The following ECPAS variants were observed in gnomAD, a reference collection of about 807,000 sequenced individuals.
The protein encoded by ECPAS is proteasome adapter and scaffold protein ECM29.
In ECPAS, 70 loss-of-function variants were observed where a neutral mutation model predicts 255.1. The ratio of observed to expected loss-of-function variants is 0.27; its 90% CI spans 0.23 to 0.33. The LOEUF (loss-of-function observed/expected upper bound fraction) is 0.33, where lower values mean the gene tolerates loss of function less well. ECPAS is among the 10% of genes least tolerant of loss of function. The pLI, the probability that ECPAS is intolerant of heterozygous loss-of-function variation, is 1.00. For missense variants in ECPAS, 1,817 were observed against 2,206.4 expected, an observed-to-expected ratio of 0.82 and a Z score of 3.54; for synonymous variants, 784 against 775.0, an observed-to-expected ratio of 1.01 and a Z score of -0.19.
intron 1 of ECPAS, among the ~76,000 whole-genome samples, chr9:111,474,175 A>G (rs2132095623): frequency 6.6e-6 from 1 of 152,294 alleles, no homozygotes; most frequent in East Asian, 1.9e-4. Flanking sequence ...GGGCTCAATA[A>G]TTCAACCCAT....
rs190864865 is a variant in ECPAS at position 111,432,796 on chromosome 9, G to A, written c.848+437C>T. On this transcript the variant is annotated intron_variant, in intron 8 of 49. Coordinates refer to ENST00000684092, the MANE Select transcript of ECPAS (RefSeq NM_001364929.1). ...GTCTATTTCCTATCTGTATCTCCTC[G>A]TGTGTGAATTAGAATCTATTCAGCA... Among the ~76,000 whole-genome samples the A allele has an allele frequency of 1.6e-3, 249 of 151,752 alleles. 1 individual carries two copies. The highest frequency in any genetic ancestry group is 5.8e-3 in the African/African-American group (241 of 41,332).
intron 9 of ECPAS, among the ~76,000 whole-genome samples, chr9:111,428,970 A>G (rs1028463651): frequency 6.6e-6 from 1 of 152,086 alleles, no homozygotes; most frequent in Non-Finnish European, 1.5e-5. Flanking sequence ...TGCTCATATC[A>G]CCTGTGTTCT....
At chr9:111,418,778 ACTCC>A (rs1385989845) in intron 16 of ECPAS, among the ~76,000 whole-genome samples, 2 of 152,062 alleles carry the variant, frequency 1.3e-5, no homozygotes, top group Admixed American at 1.3e-4. Context: ...TGGAAGTCCA[ACTCC>A]CTAGACTTAA....
chr9:111,447,935 G>A (rs989586465), intron 3 of ECPAS, among the ~76,000 whole-genome samples: 1 of 152,072 alleles, frequency 6.6e-6, no homozygotes, highest in African/African-American at 2.4e-5. Flanking sequence ...TAACGAGAAA[G>A]TGAGAGAAGG....
intron 2 of ECPAS, among the ~76,000 whole-genome samples, chr9:111,461,465 A>G (rs1296615466): frequency 6.6e-6 from 1 of 152,116 alleles, no homozygotes; most frequent in African/African-American, 2.4e-5. Context: ...ACCTTGTCTC[A>G]AAAAAATAAA....
chr9:111,444,553 T>TGA, intron 3 of ECPAS, 59 bp from the exon 4 acceptor site: 1 of 1,113,150 alleles, frequency 9.0e-7, no homozygotes, highest in Non-Finnish European at 1.3e-6. Flanking sequence ...ACCACTCATC[T>TGA]TAAAATTCAT....
At chr9:111,433,415 C>T (rs1405194775) in intron 7 of ECPAS, 43 bp from the exon 8 acceptor site, 1 of 1,607,346 alleles carries the variant, frequency 6.2e-7, no homozygotes, top group Non-Finnish European at 8.5e-7. Flanking sequence ...GTCAGGGGAG[C>T]AAAGGACACC....
In ECPAS at chr9:111,361,290, T is replaced by C. The variant is rs547654694; in HGVS notation, c.*740A>G. On this transcript the variant is annotated 3_prime_UTR_variant, in exon 50 of 50. Transcript: ENST00000684092. ...ACCTGTAAAAGGAAGACGATTGGAA[T>C]TATCCGAAGGAGACTGACTCTGTCC... 6.6e-6 allele frequency: 1 copy of C among 152,330 alleles called. No homozygotes were observed. The highest frequency in any genetic ancestry group is 1.5e-5 in the Non-Finnish European group (1 of 68,014). 9.4% of individuals were successfully genotyped at this position (152,330 alleles called of 1,614,324 possible). A position where few individuals can be genotyped will look rare whatever the true frequency, so the allele number is the denominator to read the frequency against.
At position 111,410,090 on chromosome 9, in the gene ECPAS, A is replaced by G. The variant is rs1432234779; in HGVS notation, c.2501T>C (p.Leu834Pro). The change falls in exon 23 of 50, where the codon CTT becomes CCT. Residue 834 changes from leucine (L) to proline (P), a missense_variant. Physicochemically the swap from Leu to Pro is moderately conservative, Grantham distance 98. This residue lies in a region of ECPAS where 194 missense variants were observed against 152.8 expected (regional missense o/e 1.27). Coordinates refer to ENST00000684092, the MANE Select transcript of ECPAS (RefSeq NM_001364929.1). ...TATTCTACTTAGTAAGCTTTCTACA[A>G]GATGCAATTTGGTAAAGCCAGATCC... ...SEGSGFTKLH[L>P]VESLLSRIPS... 8.8e-6 allele frequency: 14 copies of G among 1,593,812 alleles called. No homozygotes were observed. The highest frequency in any genetic ancestry group is 1.1e-5 in the Non-Finnish European group (13 of 1,169,600).
In ECPAS at chr9:111,385,356, C is replaced by T. The variant is rs375109313; in HGVS notation, c.3614G>A (p.Arg1205Lys). 5.1e-5 allele frequency: 78 copies of T among 1,539,796 alleles called. No homozygotes were observed. The highest frequency in any genetic ancestry group is 6.2e-5 in the Non-Finnish European group (70 of 1,126,722). The change falls in exon 33 of 50, where the codon AGA becomes AAA. Residue 1205 changes from arginine (R) to lysine (K), a missense_variant. By Grantham distance (26) the Arg-to-Lys change is conservative. Coordinates refer to ENST00000684092, the MANE Select transcript of ECPAS (RefSeq NM_001364929.1). ...KLPEIWETLF[R>K]VQDDIKESVR... ...TAATACCTTGATATCATCTTGTACTCTAAAAAGCGTTTCCCAAATTTCTGG... is the reference window on the plus strand; with the variant it reads ...TAATACCTTGATATCATCTTGTACTTTAAAAAGCGTTTCCCAAATTTCTGG...
Position 111,430,549 on chromosome 9 carries a change from CTT to C in ECPAS, c.926_927del (p.Lys309ArgfsTer30), listed in dbSNP as rs1564540462. The C allele has an allele frequency of 6.3e-7, 1 of 1,579,568 alleles. No individual in the cohort carries two copies. Among genetic ancestry groups the C allele is most frequent in the African/African-American group, 1.3e-5 (1 of 74,580 alleles). On this transcript the variant is annotated frameshift_variant, in exon 9 of 50. Coordinates refer to ENST00000684092, the MANE Select transcript of ECPAS (RefSeq NM_001364929.1). LOFTEE classifies it high-confidence loss of function. The part of the protein sequence containing the change: ...VYLGDIPLKT[K>X]EGAVLKPELK... Reference sequence around the variant, plus strand: ...GAGAATAAATCAAAACAACCTACCTCTTTTGTCTTCAGTGGTATATCTCCAAG... The same window carrying C: ...GAGAATAAATCAAAACAACCTACCTCTTGTCTTCAGTGGTATATCTCCAAG...
At position 111,368,617 on chromosome 9, in the gene ECPAS, G is replaced by A. The variant is rs115769077; in HGVS notation, c.5113+418C>T. Among the ~76,000 whole-genome samples, 364 of 152,232 alleles carry A rather than the reference G, an allele frequency of 2.4e-3. 4 individuals are homozygous for A. The highest frequency in any genetic ancestry group is 8.4e-3 in the African/African-American group (348 of 41,538). On this transcript the variant is annotated intron_variant, in intron 46 of 49. Coordinates refer to ENST00000684092, the MANE Select transcript of ECPAS (RefSeq NM_001364929.1). ...TCATATGAGTGGGCCCTAATCCAGC[G>A]TGCCTGGTGTCCTTATAGGAAGAGG...
chr9:111,378,605 C>T lies in ECPAS; in HGVS notation c.3929G>A (p.Ser1310Asn). 3 of 1,613,600 alleles carry T rather than the reference C, an allele frequency of 1.9e-6. No homozygotes were observed. Among genetic ancestry groups the T allele is most frequent in the Non-Finnish European group, 2.5e-6 (3 of 1,179,602 alleles). ...VLEPQVLNYL[S>N]LRATEQEKAA... ...CTTTTCTTGCTCTGTCGCCCGGAGG[C>T]TCAAATAATTGAGAACTTGGGGCTC... is the stretch of plus-strand genomic sequence containing the variant. Residue 1310 changes from serine (S) to asparagine (N), a missense_variant, in exon 36 of 50, where the codon AGC becomes AAC. Transcript: ENST00000684092.
At chr9:111,443,813 A>G (rs1298868969) in intron 4 of ECPAS, among the ~76,000 whole-genome samples, 2 of 152,136 alleles carry the variant, frequency 1.3e-5, no homozygotes, top group Non-Finnish European at 1.5e-5. Flanking sequence ...GAAAAAAAAC[A>G]TCACCTGCCA....
intron 3 of ECPAS, among the ~76,000 whole-genome samples, chr9:111,447,410 G>A (rs947495789): frequency 3.3e-5 from 5 of 151,942 alleles, no homozygotes; most frequent in African/African-American, 1.2e-4. Context: ...TACTGCACTC[G>A]GCCTATTTTG....
Position 111,370,527 on chromosome 9 carries a change from C to T in ECPAS, c.4882G>A (p.Val1628Ile). 1 of 1,611,248 alleles carries T rather than the reference C, an allele frequency of 6.2e-7. No individual in the cohort carries two copies. The highest frequency in any genetic ancestry group is 2.2e-5 in the East Asian group (1 of 44,744). ...CSKENVKYKI[V>I]AISCAADILK... ...ATATCAGCTGCACAGCTGATTGCTA[C>T]AATCTTGTATTTGACATTCTCTTTG... The change falls in exon 45 of 50, where the codon GTA (valine) becomes ATA (isoleucine). Residue 1628 changes from valine (V) to isoleucine (I), a missense_variant. Physicochemically the swap from Val to Ile is conservative, Grantham distance 29. This residue lies in a region of ECPAS where 960 missense variants were observed against 1,179.0 expected (regional missense o/e 0.81). Coordinates refer to ENST00000684092, the MANE Select transcript of ECPAS (RefSeq NM_001364929.1).
chr9:111,382,203 AG>A (rs1487393717), intron 35 of ECPAS, among the ~76,000 whole-genome samples: 4 of 150,142 alleles, frequency 2.7e-5, no homozygotes, highest in Admixed American at 2.0e-4. Context: ...CAGTGGATTT[AG>A]GGGCATCTAA....
intron 3 of ECPAS, among the ~76,000 whole-genome samples, chr9:111,449,113 A>G (rs1232133281): frequency 6.6e-6 from 1 of 152,146 alleles, no homozygotes; most frequent in African/African-American, 2.4e-5. Context: ...ACTTCACATA[A>G]TCTCATGAGG....
At chr9:111,471,393 T>C (rs755590166) in intron 2 of ECPAS, among the ~76,000 whole-genome samples, 2 of 152,142 alleles carry the variant, frequency 1.3e-5, no homozygotes, top group Non-Finnish European at 2.9e-5. Context: ...TGAATTCTGG[T>C]TTTAAAATTA....
Sources: gnomAD v4.1 joint callset for allele counts (sites outside exome capture counted in the v4.1 genomes callset) on GRCh38, gnomAD v4.1.1 for gene constraint, gnomAD v4.1.1 regional missense constraint, MANE v1.5 for transcripts, NCBI Gene and HGNC (gene_info 2026-07-23, HGNC 2026-07-21) for gene names.